Variants in HNF4A observed in about 807,000 individuals in gnomAD.
HNF4A encodes hepatocyte nuclear factor 4 alpha.
A neutral mutation model predicts 52.4 loss-of-function variants in HNF4A; 15 were observed. The ratio of observed to expected loss-of-function variants is 0.29; its 90% CI spans 0.19 to 0.44. HNF4A has a LOEUF of 0.44. Among genes scored for constraint, HNF4A ranks in the 20% least tolerant of loss-of-function variants. The pLI is 1.00. For synonymous variants in HNF4A, 280 were observed against 264.4 expected (o/e 1.06, Z -0.57); for missense variants, 479 against 647.2 (o/e 0.74, Z 2.82).
chr20:44,416,265 G>A (rs1232196385), intron 5 of HNF4A, among the ~76,000 whole-genome samples: 4 of 152,212 alleles, frequency 2.6e-5, no homozygotes, highest in South Asian at 4.1e-4. Context: ...TGGGAAAGTC[G>A]GGGGCATTGT....
At chr20:44,372,043 T>C (rs1327695454) in intron 1 of HNF4A, among the ~76,000 whole-genome samples, 1 of 152,204 alleles carries the variant, frequency 6.6e-6, no homozygotes, top group Non-Finnish European at 1.5e-5. Flanking sequence ...TAGAGGAACG[T>C]GTGAACTTTG....
chr20:44,390,792 C>T, intron 1 of HNF4A: 1 of 634,356 alleles, frequency 1.6e-6, no homozygotes, highest in Non-Finnish European at 2.8e-6. Context: ...TTTGTACCCT[C>T]ATCCCCTAAC....
chr20:44,358,252 A>AT (rs2062879603), intron 1 of HNF4A, among the ~76,000 whole-genome samples: 1 of 145,986 alleles, frequency 6.8e-6, no homozygotes. Flanking sequence ...GCTCCAGAAA[A>AT]AAAAAAAAAA....
chr20:44,401,655 C>A, intron 1 of HNF4A: 1 of 395,918 alleles, frequency 2.5e-6, no homozygotes, highest in Non-Finnish European at 3.4e-6. Context: ...TGTGCCCAGG[C>A]ACAGTGATCA....
intron 1 of HNF4A, among the ~76,000 whole-genome samples, chr20:44,370,121 G>A (rs533554130): frequency 2.0e-5 from 3 of 152,266 alleles, no homozygotes; most frequent in East Asian, 3.9e-4. Flanking sequence ...CCGCCTCCCG[G>A]GTTCACGCCA....
rs775721024 is a variant in HNF4A, at chr20:44,385,059, C to CTTTTTTTTT, written c.50-20979_50-20971dup. ...AGTGGTTTCAGCTGAACTCTGTGATCTTTTTTTTTTTTTTTTTTTTTTTTT... is the reference window on the plus strand; with the variant it reads ...AGTGGTTTCAGCTGAACTCTGTGATCTTTTTTTTTTTTTTTTTTTTTTTTTTTTTTTTTT... On this transcript the variant is annotated intron_variant, in intron 1 of 9. Transcript: ENST00000316673. Among the ~76,000 whole-genome samples, 43 of 34,980 alleles carry CTTTTTTTTT rather than the reference C, an allele frequency of 1.2e-3. 8 individuals are homozygous for CTTTTTTTTT. The highest frequency in any genetic ancestry group is 0.011 in the South Asian group (4 of 376). 22.9% of individuals were successfully genotyped at this position (34,980 alleles called of 152,430 possible). A position where few individuals can be genotyped will look rare whatever the true frequency, so the allele number is the denominator to read the frequency against.
At chr20:44,377,534 G>A (rs994153350) in intron 1 of HNF4A, among the ~76,000 whole-genome samples, 7 of 151,940 alleles carry the variant, frequency 4.6e-5, no homozygotes, top group South Asian at 2.1e-4. Flanking sequence ...AGGCCGAGGC[G>A]GGTGGATCAC....
chr20:44,419,975 C>T, intron 7 of HNF4A, 99 bp downstream of exon 7: 2 of 1,246,528 alleles, frequency 1.6e-6, no homozygotes, highest in Non-Finnish European at 2.4e-6. Flanking sequence ...ACAGCCTCAT[C>T]TCATGTTAAC....
chr20:44,428,308 A>T (rs776417948), intron 8 of HNF4A, 27 bp from the exon 9 acceptor site: 1 of 1,613,288 alleles, frequency 6.2e-7, no homozygotes, highest in Non-Finnish European at 8.5e-7. Flanking sequence ...CAGACTCTCC[A>T]TCCTGATCGA....
At chr20:44,421,281 T>A (rs2063741137) in intron 7 of HNF4A, among the ~76,000 whole-genome samples, 2 of 152,358 alleles carry the variant, frequency 1.3e-5, no homozygotes. Flanking sequence ...CTTTTGCACC[T>A]GCATTTATAC....
intron 1 of HNF4A, among the ~76,000 whole-genome samples, chr20:44,404,591 T>C (rs1600702785): frequency 6.6e-6 from 1 of 151,380 alleles, no homozygotes; most frequent in East Asian, 2.0e-4. Flanking sequence ...TGTATATGTG[T>C]GTGTTGATGT....
chr20:44,363,609 ATCC>A (rs756626807), intron 1 of HNF4A, among the ~76,000 whole-genome samples: 47 of 151,752 alleles, frequency 3.1e-4, no homozygotes, highest in Non-Finnish European at 5.6e-4. Context: ...GGACAGACCT[ATCC>A]TCATCAGAGA....
chr20:44,376,170 C>T (rs1204027370), intron 1 of HNF4A, among the ~76,000 whole-genome samples: 1 of 152,162 alleles, frequency 6.6e-6, no homozygotes, highest in Non-Finnish European at 1.5e-5. Context: ...GAGGCTGAGG[C>T]AGGAGAATTG....
intron 1 of HNF4A, chr20:44,401,613 A>C: frequency 8.4e-7 from 1 of 1,187,758 alleles, no homozygotes; most frequent in Non-Finnish European, 1.2e-6. Context: ...TTGGTCCTAC[A>C]GGCCAGCACA....
At chr20:44,416,913 T>C (rs2063673242) in intron 5 of HNF4A, among the ~76,000 whole-genome samples, 1 of 151,842 alleles carries the variant, frequency 6.6e-6, no homozygotes. Flanking sequence ...CTCCTTCCCT[T>C]CCTCCCACCT....
chr20:44,379,930 C>T (rs1172372414), intron 1 of HNF4A, among the ~76,000 whole-genome samples: 2 of 152,160 alleles, frequency 1.3e-5, no homozygotes, highest in Non-Finnish European at 2.9e-5. Flanking sequence ...GATGGGGTTT[C>T]ACCATGCTGG....
intron 3 of HNF4A, among the ~76,000 whole-genome samples, chr20:44,412,859 G>C (rs2063606391): frequency 6.6e-6 from 1 of 152,146 alleles, no homozygotes; most frequent in South Asian, 2.1e-4. Context: ...TACGGGTAGG[G>C]AAACTGAGCC....
At chr20:44,409,872 T>A (rs892536690) in intron 3 of HNF4A, among the ~76,000 whole-genome samples, 4 of 151,750 alleles carry the variant, frequency 2.6e-5, no homozygotes, top group South Asian at 2.1e-4. Context: ...AATTTCGCTC[T>A]TGTTGCCCAG....
chr20:44,367,781 A>C (rs192514190), intron 1 of HNF4A, among the ~76,000 whole-genome samples: 34 of 152,108 alleles, frequency 2.2e-4, no homozygotes, highest in African/African-American at 7.7e-4. Context: ...AAAATAAATA[A>C]ATAAATAAAT....
Sources: allele counts gnomAD v4.1 joint callset (sites outside exome capture counted in the v4.1 genomes callset), GRCh38; gene constraint gnomAD v4.1.1; transcripts MANE v1.5; gene names NCBI Gene and HGNC (gene_info 2026-07-23, HGNC 2026-07-21).